HDAC4: variants seen among roughly 807,000 people sequenced by gnomAD.
HDAC4 encodes histone deacetylase 4.
Under a neutral mutation model 135.1 loss-of-function variants are expected in HDAC4, and 16 were observed. The observed-to-expected ratio is 0.12, with a 90% CI of 0.08 to 0.18. The LOEUF is 0.18. Among genes scored for constraint, HDAC4 ranks in the 10% least tolerant of loss-of-function variants. The probability of loss-of-function intolerance (pLI) is 1.00; values close to 1 mark genes in which losing one functional copy is unlikely to be tolerated. For missense variants in HDAC4, 1,143 were observed against 1,511.8 expected, an observed-to-expected ratio of 0.76 and a Z score of 4.05; for synonymous variants, 685 against 653.4, an observed-to-expected ratio of 1.05 and a Z score of -0.74.
Position 239,303,832 on chromosome 2 carries a change from G to A in HDAC4, c.22+48846C>T, listed in dbSNP as rs905234485. Among the ~76,000 whole-genome samples the A allele has an allele frequency of 6.6e-5, 10 of 152,058 alleles. No individual in the cohort carries two copies. Among genetic ancestry groups the A allele is most frequent in the African/African-American group, 2.2e-4 (9 of 41,398 alleles). ...CTCGCCTATGCTCTCATGAAGCCCC[G>A]TGCCAAGGGCTTCTCCGGGACCCCA... On this transcript the variant is annotated intron_variant, in intron 2 of 26. Coordinates refer to ENST00000543185, the MANE Select transcript of HDAC4 (RefSeq NM_001378414.1). This position sits in a 1 kb window ranked among gnomAD's most constrained non-coding sequence, Gnocchi z 5.1.
chr2:239,084,078 C>G, intron 20 of HDAC4, 77 bp downstream of exon 20: 1 of 1,004,984 alleles, frequency 1.0e-6, no homozygotes, highest in Non-Finnish European at 1.6e-6. Context: ...CCCAGCTCCT[C>G]TGTCCACACG....
At chr2:239,097,869 G>C (rs1472608429) in intron 16 of HDAC4, among the ~76,000 whole-genome samples, 1 of 152,246 alleles carries the variant, frequency 6.6e-6, no homozygotes, top group African/African-American at 2.4e-5. Context: ...TGAGTAGCTG[G>C]GGCTGGGAGT....
At chr2:239,121,819 T>C (rs950041127) in intron 12 of HDAC4, among the ~76,000 whole-genome samples, 7 of 152,334 alleles carry the variant, frequency 4.6e-5, no homozygotes, top group Admixed American at 6.5e-5. Context: ...CCCTGGGCCA[T>C]GGCTGCAAAC....
intron 2 of HDAC4, among the ~76,000 whole-genome samples, chr2:239,321,799 T>G (rs537339488): frequency 1.3e-5 from 2 of 152,256 alleles, no homozygotes; most frequent in African/African-American, 2.4e-5. Context: ...ACACCAGGAC[T>G]TCCCCTAGAC....
At position 239,156,749 on chromosome 2, in the gene HDAC4, GT is replaced by G; in HGVS notation, c.635del (p.Asp212AlafsTer39). ...WYGKTQHSSL[D>X]QSSPPQSGVS... is the part of the protein sequence containing the mutation. ...CTCCGCTCTGGGGTGGAGAACTCTG[GT>G]CAAGGGAACTGTGCTGCGTTTTCCT... is the stretch of plus-strand genomic sequence containing the variant. On this transcript the variant is annotated frameshift_variant, in exon 7 of 27. Coordinates refer to ENST00000543185, the MANE Select transcript of HDAC4 (RefSeq NM_001378414.1). LOFTEE classifies it high-confidence loss of function. The G allele has an allele frequency of 6.2e-7, 1 of 1,614,138 alleles. No homozygotes were observed. The highest frequency in any genetic ancestry group is 8.5e-7 in the Non-Finnish European group (1 of 1,180,016).
At chr2:239,359,459 T>C (rs1693724099) in intron 1 of HDAC4, among the ~76,000 whole-genome samples, 1 of 152,236 alleles carries the variant, frequency 6.6e-6, no homozygotes, top group Non-Finnish European at 1.5e-5. Flanking sequence ...TTGTGTCCTC[T>C]GCGCTGAGGG....
At chr2:239,381,793 G>A (rs550574070) in intron 1 of HDAC4, among the ~76,000 whole-genome samples, 22 of 152,324 alleles carry the variant, frequency 1.4e-4, no homozygotes, top group Non-Finnish European at 2.8e-4. Flanking sequence ...CACGCCCCCA[G>A]ATGTGACAAC....
intron 2 of HDAC4, among the ~76,000 whole-genome samples, chr2:239,283,108 C>T (rs772304972): frequency 1.2e-4 from 18 of 152,254 alleles, no homozygotes; most frequent in Non-Finnish European, 2.2e-4. Flanking sequence ...CAGTCAGCCA[C>T]GCATGCAGGA....
At chr2:239,231,511 C>G (rs1329189493) in intron 3 of HDAC4, among the ~76,000 whole-genome samples, 1 of 152,242 alleles carries the variant, frequency 6.6e-6, no homozygotes, top group Non-Finnish European at 1.5e-5. Context: ...GAGAGCAGCG[C>G]CATGAGGGCC....
intron 1 of HDAC4, among the ~76,000 whole-genome samples, chr2:239,383,443 A>G (rs1695561615): frequency 6.6e-6 from 1 of 152,230 alleles, no homozygotes; most frequent in Non-Finnish European, 1.5e-5. Context: ...ACATGTGGGC[A>G]GGCAGGGGCA....
At chr2:239,198,724 C>T (rs1333639873) in intron 3 of HDAC4, among the ~76,000 whole-genome samples, 1 of 152,172 alleles carries the variant, frequency 6.6e-6, no homozygotes, top group Admixed American at 6.5e-5. Flanking sequence ...TTCGTGTCGC[C>T]CCTCTTCTGT....
rs1409422644 is a variant in HDAC4 at position 239,134,450 on chromosome 2, A to C, written c.1096-7T>G. The C allele has an allele frequency of 1.2e-6, 2 of 1,613,650 alleles. No individual in the cohort carries two copies. Among genetic ancestry groups the C allele is most frequent in the African/African-American group, 2.7e-5 (2 of 74,902 alleles). On this transcript the variant is annotated splice_polypyrimidine_tract_variant and splice_region_variant and intron_variant, in intron 10 of 26. Transcript: ENST00000543185. ...CCTGCTGGCCCGCCGTGCCCTGGAA[A>C]GCACAGCCAGGATGCTCGGGTGGAA... is the stretch of plus-strand genomic sequence containing the variant.
chr2:239,087,514 A>C, intron 19 of HDAC4, 45 bp downstream of exon 19: 1 of 1,589,882 alleles, frequency 6.3e-7, no homozygotes, highest in Non-Finnish European at 8.6e-7. Flanking sequence ...GGAGGGAAGG[A>C]AGACCTGGGT....
At chr2:239,181,929 A>T (rs572593796) in intron 4 of HDAC4, among the ~76,000 whole-genome samples, 17 of 152,288 alleles carry the variant, frequency 1.1e-4, no homozygotes, top group Admixed American at 1.1e-3. Flanking sequence ...TGCAGACACT[A>T]AATATCCTAA....
At chr2:239,090,858 T>C (rs904570990) in intron 17 of HDAC4, among the ~76,000 whole-genome samples, 1 of 152,194 alleles carries the variant, frequency 6.6e-6, no homozygotes, top group Non-Finnish European at 1.5e-5. Context: ...GTCAAATAAT[T>C]AGCAGCAAAA....
chr2:239,160,362 G>A (rs961922271), intron 6 of HDAC4, among the ~76,000 whole-genome samples: 6 of 152,206 alleles, frequency 3.9e-5, no homozygotes, highest in Admixed American at 6.5e-5. Context: ...AAGTGCTCGG[G>A]AGCCACGTGT....
intron 6 of HDAC4, chr2:239,162,281 C>A: frequency 2.2e-6 from 1 of 456,702 alleles, no homozygotes; most frequent in South Asian, 1.5e-5. Context: ...GCGGCCCTGC[C>A]CTGGTCCAGC....
chr2:239,343,690 C>G (rs1284300269), intron 2 of HDAC4, among the ~76,000 whole-genome samples: 1 of 152,208 alleles, frequency 6.6e-6, no homozygotes, highest in Non-Finnish European at 1.5e-5. Flanking sequence ...CCCTGCCTGC[C>G]CTGCCTGCCC....
chr2:239,398,027 C>A (rs1439235031), intron 1 of HDAC4, among the ~76,000 whole-genome samples: 1 of 152,198 alleles, frequency 6.6e-6, no homozygotes, highest in Non-Finnish European at 1.5e-5. Context: ...GGTTCCACAG[C>A]CCCAAGCTTA....
Sources: gnomAD v4.1 joint callset for allele counts (sites outside exome capture counted in the v4.1 genomes callset) on GRCh38, gnomAD v4.1.1 for gene constraint, Gnocchi (gnomAD v3.1) non-coding constraint, MANE v1.5 for transcripts, NCBI Gene and HGNC (gene_info 2026-07-23, HGNC 2026-07-21) for gene names.